LBHD1: variants seen among roughly 807,000 people sequenced by gnomAD.
LBHD1 encodes LBH domain-containing protein 1.
LBHD1 carries 28 observed loss-of-function variants against 31.1 expected under a neutral mutation model. That is an observed-to-expected ratio of 0.90 (90% CI 0.67 to 1.24). The LOEUF is 1.24. Ranked by LOEUF, LBHD1 falls within the 50% of genes most tolerant of loss-of-function variation. The pLI, the probability that LBHD1 is intolerant of heterozygous loss-of-function variation, is 0.00. For missense variants in LBHD1, 350 were observed against 323.0 expected, an observed-to-expected ratio of 1.08 and a Z score of -0.64; for synonymous variants, 105 against 116.5, an observed-to-expected ratio of 0.90 and a Z score of 0.63.
At chr11:62,666,151 A>G (rs1944803535) in intron 4 of LBHD1, 5 of 711,428 alleles carry the variant, frequency 7.0e-6, no homozygotes, top group Non-Finnish European at 2.3e-6. Context: ...GTTCGAGACC[A>G]ACCTAGGGCA....
In LBHD1 at chr11:62,667,523, C is replaced by T. The variant is rs546870654; in HGVS notation, c.538G>A (p.Gly180Arg). The stretch of plus-strand genomic sequence containing the variant: ...TTGAGGGGGAGGGAACAATACTTAC[C>T]CTCAAAGCTATTAGGAGGCAGGAGA... ...SHLLPPNSFE[G>R]AEEEAVQTPA... Residue 180 changes from glycine to arginine, a missense_variant and splice_region_variant, in exon 4 of 7, where the codon GGA becomes AGA. Coordinates refer to ENST00000354588, the MANE Select transcript of LBHD1 (RefSeq NM_024099.5). 1.4e-5 allele frequency: 22 copies of T among 1,613,778 alleles called. No individual in the cohort carries two copies. In the African/African-American group the frequency reaches 2.1e-4, roughly 16 times the overall value.
At chr11:62,668,857 GA>G (rs1347345313) in intron 3 of LBHD1, among the ~76,000 whole-genome samples, 1 of 151,362 alleles carries the variant, frequency 6.6e-6, no homozygotes, top group African/African-American at 2.4e-5. Context: ...ACACAGAGAT[GA>G]AAAAAGTCTA....
At chr11:62,667,346 C>T (rs1395470758) in intron 4 of LBHD1, 177 bp downstream of exon 4, 2 of 685,786 alleles carry the variant, frequency 2.9e-6, no homozygotes, top group Admixed American at 2.9e-5. Flanking sequence ...ACTGGAGCTC[C>T]TAAAAGCAGC....
Position 62,662,855 on chromosome 11 carries a change from C to A in LBHD1, c.*274G>T. 1.7e-6 allele frequency: 1 copy of A among 589,030 alleles called. No individual in the cohort carries two copies. The allele number at this position is 589,030 out of a possible 1,614,324, so 36.5% of individuals were successfully genotyped here. On this transcript the variant is annotated 3_prime_UTR_variant, in exon 7 of 7. Transcript: ENST00000354588. ...GCTTTATTACAAATGGAGTTGACTG[C>A]TAGAGAGGCCCTTCTCCAATCTTTC...
At chr11:62,671,459 G>C (rs542511942) in intron 1 of LBHD1, 105 bp downstream of exon 1, 1 of 1,324,832 alleles carries the variant, frequency 7.5e-7, no homozygotes, top group Admixed American at 3.0e-5. Flanking sequence ...ATGAAGACAC[G>C]CACTCTCCCC....
chr11:62,665,945 G>A, intron 4 of LBHD1: 2 of 1,611,370 alleles, frequency 1.2e-6, no homozygotes, highest in Non-Finnish European at 1.7e-6. Context: ...GCCCCTTTGC[G>A]GGTAGGGAGG....
chr11:62,666,202 C>T (rs773679326), intron 4 of LBHD1: 2 of 722,062 alleles, frequency 2.8e-6, no homozygotes, highest in Non-Finnish European at 4.6e-6. Context: ...TAACCGGGCA[C>T]GATGGCGCCT....
At chr11:62,670,642 C>G (rs1162501817) in intron 1 of LBHD1, 1 of 153,358 alleles carries the variant, frequency 6.5e-6, no homozygotes, top group African/African-American at 2.4e-5. Flanking sequence ...GTGGCTCACA[C>G]CTGTAATCCC....
intron 4 of LBHD1, chr11:62,665,678 C>A (rs965069507): frequency 4.1e-6 from 6 of 1,459,892 alleles, no homozygotes; most frequent in Non-Finnish European, 4.5e-6. Flanking sequence ...TCCTCCACTT[C>A]CCGCTGCAGC....
Position 62,672,243 on chromosome 11 carries a change from G to A in LBHD1, c.-690C>T. ...ATGCCAGGACTCTCCGGGGTCCTGT[G>A]AGCTGCCGTCGGGTGAGCACGTTTC... On this transcript the variant is annotated 5_prime_UTR_variant, in exon 1 of 7. Transcript: ENST00000354588. The A allele has an allele frequency of 3.0e-6, 3 of 988,882 alleles. No homozygotes were observed. The highest frequency in any genetic ancestry group is 3.2e-5 in the South Asian group (2 of 61,786). The allele number at this position is 988,882 out of a possible 1,614,324, so 61.3% of individuals were successfully genotyped here.
At chr11:62,666,047 A>G in intron 4 of LBHD1, 12 of 1,333,476 alleles carry the variant, frequency 9.0e-6, no homozygotes, top group Non-Finnish European at 1.2e-5. Context: ...TGAAATTGTG[A>G]TTCTCAAACC....
intron 4 of LBHD1, chr11:62,665,753 G>A: frequency 6.7e-7 from 1 of 1,497,506 alleles, no homozygotes; most frequent in Non-Finnish European, 8.9e-7. Flanking sequence ...CAGAGTTCGG[G>A]GAAGCTGTAC....
chr11:62,668,482 A>T (rs1205686598), intron 3 of LBHD1: 1 of 147,070 alleles, frequency 6.8e-6, no homozygotes, highest in African/African-American at 2.5e-5. Flanking sequence ...CTCTGTCTCA[A>T]AAAAAAAAAA....
chr11:62,671,350 C>T (rs1344693541), intron 1 of LBHD1: 3 of 1,216,854 alleles, frequency 2.5e-6, no homozygotes, highest in Non-Finnish European at 3.3e-6. Flanking sequence ...TGAAAACGCG[C>T]GGGTGACTGC....
intron 4 of LBHD1, 65 bp from the exon 5 acceptor site, chr11:62,665,038 G>A (rs1445764592): frequency 3.1e-6 from 5 of 1,595,190 alleles, no homozygotes; most frequent in African/African-American, 1.3e-5. Flanking sequence ...CCCTCCACCA[G>A]GCAGCCCCGG....
chr11:62,666,164 A>C, intron 4 of LBHD1: 2 of 700,550 alleles, frequency 2.9e-6, no homozygotes. Flanking sequence ...CTAGGGCAAC[A>C]TAGCGAGACC....
At position 62,667,685 on chromosome 11, in the gene LBHD1, A is replaced by G; in HGVS notation, c.376T>C (p.Trp126Arg). 6.2e-7 allele frequency: 1 copy of G among 1,614,198 alleles called. No homozygotes were observed. Among genetic ancestry groups the G allele is most frequent in the African/African-American group, 1.3e-5 (1 of 75,060 alleles). The change falls in exon 4 of 7, where the codon TGG becomes CGG. Residue 126 changes from tryptophan (W) to arginine (R), a missense_variant. Transcript: ENST00000354588. ...TCTTCTTCATCCTGGTCCTGCCCCC[A>G]GCTGAGTCCAGCGTTAAATGTTCTT... Reference protein sequence around the residue: ...PLRTFNAGLSWGQDQDEEDAC... With the variant: ...PLRTFNAGLSRGQDQDEEDAC...
At chr11:62,668,537 C>T (rs151053386) in intron 3 of LBHD1, 1,752 of 149,270 alleles carry the variant, frequency 0.012, 23 homozygotes, top group African/African-American at 0.028. Flanking sequence ...CGGGGCCGGG[C>T]GCGGTGGCTC....
intron 4 of LBHD1, chr11:62,666,195 C>A: frequency 1.4e-6 from 1 of 718,290 alleles, no homozygotes; most frequent in Admixed American, 2.8e-5. Context: ...AAAAAATTAA[C>A]CGGGCACGAT....
Sources: allele counts gnomAD v4.1 joint callset (sites outside exome capture counted in the v4.1 genomes callset), GRCh38; gene constraint gnomAD v4.1.1; transcripts MANE v1.5; gene names NCBI Gene and HGNC (gene_info 2026-07-23, HGNC 2026-07-21).